Variants in CACNA1B observed in about 807,000 individuals in gnomAD.
CACNA1B encodes the protein calcium voltage-gated channel subunit alpha1 B.
CACNA1B carries 70 observed loss-of-function variants against 247.2 expected under a neutral mutation model. The observed-to-expected ratio is 0.28, with a 90% CI of 0.23 to 0.35. The LOEUF (loss-of-function observed/expected upper bound fraction) is 0.35. Among genes scored for constraint, CACNA1B ranks in the 10% least tolerant of loss-of-function variants. The pLI is 1.00. For missense variants in CACNA1B, 2,367 were observed against 3,197.4 expected, an observed-to-expected ratio of 0.74 and a Z score of 6.26; for synonymous variants, 1,231 against 1,294.4, an observed-to-expected ratio of 0.95 and a Z score of 1.05.
chr9:137,998,017 A>G (rs925926683), intron 15 of CACNA1B, among the ~76,000 whole-genome samples: 33 of 152,336 alleles, frequency 2.2e-4, no homozygotes, highest in Non-Finnish European at 2.2e-4. Context: ...AAACAATGTC[A>G]TATACTGTTT....
In CACNA1B at chr9:137,986,907, G is replaced by T; in HGVS notation, c.1974+53G>T. 1 of 1,373,170 alleles carries T rather than the reference G, an allele frequency of 7.3e-7. No homozygotes were observed. 85.1% of individuals were successfully genotyped at this position (1,373,170 alleles called of 1,614,324 possible). On this transcript the variant is annotated intron_variant, in intron 15 of 46. Transcript: ENST00000371372. The surrounding 1 kb of genome is among the most constrained non-coding windows in gnomAD (Gnocchi z 6.0). ...GCCTGCCCGGCTCCCGTCTCCCCTG[G>T]GTGCTGGGAAGGCGGACTCTCCTGT...
rs532554624 is a variant in CACNA1B, at chr9:137,908,915, G to A, written c.531-4265G>A. Among the ~76,000 whole-genome samples the A allele has an allele frequency of 2.8e-4, 43 of 152,200 alleles. 1 individual carries two copies. In the South Asian group the frequency reaches 7.9e-3, roughly 28 times the overall value. Reference sequence around the variant, plus strand: ...CAAAGTGCTGGGATTATGGGCGTGAGCCACCACACCTGGCTAAATTTTTAA... The same window carrying A: ...CAAAGTGCTGGGATTATGGGCGTGAACCACCACACCTGGCTAAATTTTTAA... On this transcript the variant is annotated intron_variant, in intron 3 of 46. Coordinates refer to ENST00000371372, the MANE Select transcript of CACNA1B (RefSeq NM_000718.4).
rs914821730 is a variant in CACNA1B at position 137,899,394 on chromosome 9, C to T, written c.531-13786C>T. ...GATATGCTTTCTTAACCTCAGTTTC[C>T]TTCTCTTACAAAGAACTGTGTAGTC... On this transcript the variant is annotated intron_variant, in intron 3 of 46. Coordinates refer to ENST00000371372, the MANE Select transcript of CACNA1B (RefSeq NM_000718.4). The surrounding 1 kb of genome is among the most constrained non-coding windows in gnomAD (Gnocchi z 5.0). Among the ~76,000 whole-genome samples, 1 of 152,160 alleles carries T rather than the reference C, an allele frequency of 6.6e-6. No individual in the cohort carries two copies. The highest frequency in any genetic ancestry group is 2.4e-5 in the African/African-American group (1 of 41,440).
chr9:138,023,491 G>A lies in CACNA1B; in HGVS notation c.2748G>A (p.Arg916=). 1 of 1,104,272 alleles carries A rather than the reference G, an allele frequency of 9.1e-7. No homozygotes were observed. The allele number at this position is 1,104,272 out of a possible 1,614,324, so 68.4% of individuals were successfully genotyped here. A position where few individuals can be genotyped will look rare whatever the true frequency, so the allele number is the denominator to read the frequency against. ...RGRGPGPEGG[R]RHHRRGSPEE... ...GAGGCCCAGGCCCCGAGGGCGGCCG[G>A]CGGCACCACCGGCGCGGCTCCCCGG... The change falls in exon 19 of 47, where the codon CGG becomes CGA. Residue 916 remains arginine (R), a synonymous_variant. Transcript: ENST00000371372.
intron 25 of CACNA1B, among the ~76,000 whole-genome samples, chr9:138,053,273 C>T (rs1173094167): frequency 2.0e-5 from 3 of 152,186 alleles, no homozygotes; most frequent in Non-Finnish European, 2.9e-5. Flanking sequence ...CCTGTAAGGT[C>T]GGCCCTCCTA....
At chr9:138,016,604 G>A (rs893852006) in intron 18 of CACNA1B, among the ~76,000 whole-genome samples, 16 of 152,174 alleles carry the variant, frequency 1.1e-4, no homozygotes, top group Admixed American at 3.9e-4. Context: ...TCTCCGGAAA[G>A]GGCACCCTCG....
intron 10 of CACNA1B, among the ~76,000 whole-genome samples, chr9:137,968,422 A>G (rs1010382549): frequency 1.4e-4 from 21 of 151,896 alleles, no homozygotes; most frequent in African/African-American, 5.1e-4. Context: ...ATCCCACACC[A>G]CCTTGTGAGG....
chr9:138,054,125 T>C lies in CACNA1B; in HGVS notation c.3968+119T>C, dbSNP rs538869056. On this transcript the variant is annotated intron_variant, in intron 26 of 46. Transcript: ENST00000371372. The surrounding 1 kb of genome is among the most constrained non-coding windows in gnomAD (Gnocchi z 4.6). ...GCGTGGGAGACTCCACTGCAGAGCA[T>C]CACGGACCCTGCCTGAGGGCCGAGG... 5 of 936,354 alleles carry C rather than the reference T, an allele frequency of 5.3e-6. No individual in the cohort carries two copies. The highest frequency in any genetic ancestry group is 3.2e-4 in the Middle Eastern group (1 of 3,106). The allele number at this position is 936,354 out of a possible 1,614,324, so 58.0% of individuals were successfully genotyped here.
intron 39 of CACNA1B, among the ~76,000 whole-genome samples, chr9:138,110,486 G>C (rs1961583859): frequency 6.6e-6 from 1 of 152,062 alleles, no homozygotes; most frequent in Non-Finnish European, 1.5e-5. Flanking sequence ...GATTAACTTT[G>C]AGAGAAGAGG....
At chr9:138,056,940 T>TGGG (rs1206987423) in intron 26 of CACNA1B, among the ~76,000 whole-genome samples, 9 of 144,440 alleles carry the variant, frequency 6.2e-5, no homozygotes, top group Admixed American at 4.1e-4. Context: ...TGGGTTTTTT[T>TGGG]TTTTTTTTTT....
intron 6 of CACNA1B, among the ~76,000 whole-genome samples, chr9:137,939,803 AAAATAAATAAATAAATAAATAAAT>A (rs756173569): frequency 4.1e-4 from 59 of 143,824 alleles, no homozygotes; most frequent in Middle Eastern, 7.0e-3. Flanking sequence ...ACTCCGTCTC[AAAATAAATAAATAAATAAATAAAT>A]AAATAAATAA....
chr9:138,052,037 A>G lies in CACNA1B; in HGVS notation c.3711-55A>G. The G allele has an allele frequency of 9.7e-7, 1 of 1,027,246 alleles. No homozygotes were observed. The highest frequency in any genetic ancestry group is 1.5e-6 in the Non-Finnish European group (1 of 658,658). 63.6% of individuals were successfully genotyped at this position (1,027,246 alleles called of 1,614,324 possible). A position where few individuals can be genotyped will look rare whatever the true frequency, so the allele number is the denominator to read the frequency against. On this transcript the variant is annotated intron_variant, in intron 24 of 46. Transcript: ENST00000371372. This position sits in a 1 kb window ranked among gnomAD's most constrained non-coding sequence, Gnocchi z 5.1. Reference sequence around the variant, plus strand: ...CTCAGACCCTGGGGGGCCACGTGGGAGCTGGGCACACCCATGCCTCCTGCC... The same window carrying G: ...CTCAGACCCTGGGGGGCCACGTGGGGGCTGGGCACACCCATGCCTCCTGCC...
chr9:138,054,082 G>A lies in CACNA1B; in HGVS notation c.3968+76G>A. 1.4e-6 allele frequency: 2 copies of A among 1,405,676 alleles called. No individual in the cohort carries two copies. Among genetic ancestry groups the A allele is most frequent in the Non-Finnish European group, 2.0e-6 (2 of 996,964 alleles). The allele number at this position is 1,405,676 out of a possible 1,614,324, so 87.1% of individuals were successfully genotyped here. A position where few individuals can be genotyped will look rare whatever the true frequency, so the allele number is the denominator to read the frequency against. Reference sequence around the variant, plus strand: ...AACACTGGGAGTTCCCTTGGGACCAGGTGGAGCTGGTCACACGGCGTGGGA... The same window carrying A: ...AACACTGGGAGTTCCCTTGGGACCAAGTGGAGCTGGTCACACGGCGTGGGA... On this transcript the variant is annotated intron_variant, in intron 26 of 46. Transcript: ENST00000371372. The surrounding 1 kb of genome is among the most constrained non-coding windows in gnomAD (Gnocchi z 4.6).
chr9:137,921,661 A>G (rs368921832), intron 6 of CACNA1B, among the ~76,000 whole-genome samples: 83 of 146,316 alleles, frequency 5.7e-4, no homozygotes, highest in African/African-American at 2.1e-3. Flanking sequence ...ACGACCGCAC[A>G]GCATCCTGGG....
At chr9:138,093,731 C>A (rs867223080) in intron 36 of CACNA1B, among the ~76,000 whole-genome samples, 1 of 151,438 alleles carries the variant, frequency 6.6e-6, no homozygotes. Context: ...CAGAGCAAGA[C>A]TCCATCTCAA....
chr9:138,074,049 G>T lies in CACNA1B; in HGVS notation c.4840G>T (p.Ala1614Ser). ...LLIAMLFFIY[A>S]IIGMQVFGNI... ...CATTGCCATGCTGTTCTTCATCTAC[G>T]CCATCATCGGCATGCAGGTGGGTGC... is the stretch of plus-strand genomic sequence containing the variant. Residue 1614 changes from alanine to serine, a missense_variant, in exon 34 of 47, where the codon GCC becomes TCC. By Grantham distance (99) the Ala-to-Ser change is moderately conservative. Around this residue, in one of 12 missense-constraint regions of CACNA1B, gnomAD observed 436 missense variants for 679.5 expected, o/e 0.64. Transcript: ENST00000371372. 1 of 1,612,524 alleles carries T rather than the reference G, an allele frequency of 6.2e-7. No homozygotes were observed.
chr9:138,028,322 C>T (rs1014552978), intron 20 of CACNA1B, among the ~76,000 whole-genome samples: 7 of 151,984 alleles, frequency 4.6e-5, no homozygotes, highest in Admixed American at 3.9e-4. Flanking sequence ...CGTGCCTGGC[C>T]CCATTATTTT....
intron 37 of CACNA1B, among the ~76,000 whole-genome samples, chr9:138,098,457 G>T (rs1226524285): frequency 6.6e-6 from 1 of 151,918 alleles, no homozygotes; most frequent in Non-Finnish European, 1.5e-5. Context: ...AGACTGTGTT[G>T]CAGAAAACAG....
chr9:137,963,487 C>T (rs538808611), intron 10 of CACNA1B, among the ~76,000 whole-genome samples: 50 of 152,316 alleles, frequency 3.3e-4, no homozygotes, highest in African/African-American at 1.1e-3. Context: ...CTCCGCCTCC[C>T]AAGTTCAAGT....
Sources: gnomAD v4.1 joint callset for allele counts (sites outside exome capture counted in the v4.1 genomes callset) on GRCh38, gnomAD v4.1.1 for gene constraint, gnomAD v4.1.1 regional missense constraint, Gnocchi (gnomAD v3.1) non-coding constraint, MANE v1.5 for transcripts, NCBI Gene and HGNC (gene_info 2026-07-23, HGNC 2026-07-21) for gene names.